SLC9A7: variants seen among roughly 807,000 people sequenced by gnomAD.
SLC9A7 encodes sodium/hydrogen exchanger 7.
A neutral mutation model predicts 52.6 loss-of-function variants in SLC9A7; 19 were observed. The ratio of observed to expected loss-of-function variants is 0.36; its 90% CI spans 0.25 to 0.53. SLC9A7 has a LOEUF of 0.53. Ranked by LOEUF, SLC9A7 falls within the 20% of genes least tolerant of loss-of-function variation. The pLI, the probability that SLC9A7 is intolerant of heterozygous loss-of-function variation, is 0.91. For missense variants in SLC9A7, 455 were observed against 597.9 expected (o/e 0.76, Z 2.49); for synonymous variants, 226 against 252.1 (o/e 0.90, Z 0.98).
intron 5 of SLC9A7, among the ~76,000 whole-genome samples, chrX:46,668,963 C>T (rs192443473): frequency 3.6e-5 from 4 of 110,323 alleles, no homozygotes; most frequent in Non-Finnish European, 5.7e-5. Flanking sequence ...GTCAGGAGAT[C>T]GAGACCATCC....
At chrX:46,609,428 C>A (rs774228108) in intron 16 of SLC9A7, among the ~76,000 whole-genome samples, 9 of 112,466 alleles carry the variant, frequency 8.0e-5, no homozygotes, top group African/African-American at 2.9e-4. Context: ...AGGCTGGGTG[C>A]GGTGGCTCAC....
rs751416937 is a variant in SLC9A7 at position 46,653,708 on chromosome X, T to C, written c.1048A>G (p.Lys350Glu). Residue 350 changes from lysine (K) to glutamate (E), a missense_variant, in exon 8 of 17, where the codon AAG becomes GAG. By Grantham distance (56) the Lys-to-Glu change is moderately conservative (BLOSUM62 1). Around this residue, in one of 3 missense-constraint regions of SLC9A7, gnomAD observed 304 missense variants for 417.8 expected, o/e 0.73. Coordinates refer to ENST00000616978, the MANE Select transcript of SLC9A7 (RefSeq NM_001257291.2). ...VTGVVTALVT[K>E]FTKLHCFPLL... The stretch of plus-strand genomic sequence containing the variant: ...GGGAAGCAGTGCAGTTTGGTAAACT[T>C]AGTCACGTTGGCATTCTGTCAAGGA... 8.3e-7 allele frequency: 1 copy of C among 1,206,041 alleles called. No individual in the cohort carries two copies. The highest frequency in any genetic ancestry group is 1.8e-5 in the South Asian group (1 of 56,707).
rs762603592 is a variant in SLC9A7, at chrX:46,607,134, C to T, written c.1999G>A (p.Gly667Arg). ...LTEGDLTLTY[G>R]DSTVTANGSS... ...CCATTTGCAGTCACTGTGCTGTCCC[C>T]GTAGGTCAATGTCAGGTCGCCTTCG... Residue 667 changes from glycine to arginine, a missense_variant, in exon 17 of 17, where the codon GGG becomes AGG. Physicochemically the swap from Gly to Arg is moderately radical, Grantham distance 125. Coordinates refer to ENST00000616978, the MANE Select transcript of SLC9A7 (RefSeq NM_001257291.2). The T allele has an allele frequency of 2.0e-5, 24 of 1,209,195 alleles. No individual in the cohort carries two copies. The highest frequency in any genetic ancestry group is 2.3e-5 in the Non-Finnish European group (21 of 894,905).
rs187435608 is a variant in SLC9A7 at position 46,638,912 on chromosome X, A to G, written c.1617-3264T>C. Among the ~76,000 whole-genome samples the G allele has an allele frequency of 5.3e-3, 602 of 113,091 alleles. 4 individuals carry two copies. Among genetic ancestry groups the G allele is most frequent in the South Asian group, 0.04 (113 of 2,816 alleles). On this transcript the variant is annotated intron_variant, in intron 12 of 16. Transcript: ENST00000616978. ...AAAACAGACAAAAGCAGTACAAAAA[A>G]AAACTACTACCAATATCCCTCATGA... is the stretch of plus-strand genomic sequence containing the variant.
chrX:46,706,432 C>T (rs1234500319), intron 1 of SLC9A7, among the ~76,000 whole-genome samples: 4 of 108,920 alleles, frequency 3.7e-5, no homozygotes, highest in South Asian at 4.1e-4. Context: ...ATACTATTGT[C>T]TCTACTGTGT....
chrX:46,672,638 C>T lies in SLC9A7; in HGVS notation c.604-11G>A, dbSNP rs1384077744. The T allele has an allele frequency of 8.8e-7, 1 of 1,138,582 alleles. No individual in the cohort carries two copies. The highest frequency in any genetic ancestry group is 2.2e-5 in the Admixed American group (1 of 44,777). The allele number at this position is 1,138,582 out of a possible 1,213,427, so 93.8% of individuals were successfully genotyped here. A position where few individuals can be genotyped will look rare whatever the true frequency, so the allele number is the denominator to read the frequency against. The stretch of plus-strand genomic sequence containing the variant: ...TCTGAAAAAGTGTCTCTGAATAAAA[C>T]AAACAAACAAAACCCAGGAATCACA... On this transcript the variant is annotated splice_polypyrimidine_tract_variant and intron_variant, in intron 3 of 16. Transcript: ENST00000616978.
chrX:46,714,718 C>T (rs1295190722), intron 1 of SLC9A7, among the ~76,000 whole-genome samples: 3 of 111,676 alleles, frequency 2.7e-5, no homozygotes, highest in Non-Finnish European at 3.8e-5. Context: ...TTCTGGACTT[C>T]GTTATATTTC....
chrX:46,752,320 C>A (rs1430235029), intron 1 of SLC9A7, among the ~76,000 whole-genome samples: 2 of 111,552 alleles, frequency 1.8e-5, no homozygotes, highest in Non-Finnish European at 1.9e-5. Context: ...TCATCTAATA[C>A]CCAGTCTACA....
At chrX:46,692,296 A>G (rs1944391154) in intron 1 of SLC9A7, among the ~76,000 whole-genome samples, 1 of 111,593 alleles carries the variant, frequency 9.0e-6, no homozygotes, top group Non-Finnish European at 1.9e-5. Flanking sequence ...CCTGCATGGC[A>G]CCATTAGGAA....
intron 1 of SLC9A7, among the ~76,000 whole-genome samples, chrX:46,706,237 TGAA>T (rs1468949039): frequency 1.0e-5 from 1 of 99,543 alleles, no homozygotes; most frequent in African/African-American, 3.7e-5. Context: ...CTTTTGCCAT[TGAA>T]AGTAATGGCA....
intron 7 of SLC9A7, among the ~76,000 whole-genome samples, chrX:46,656,970 G>C (rs1434198589): frequency 9.5e-6 from 1 of 105,772 alleles, no homozygotes; most frequent in Middle Eastern, 4.7e-3. Flanking sequence ...GGCAGCCAGA[G>C]AGAAAGGTCG....
At chrX:46,618,234 G>A (rs1942985016) in intron 15 of SLC9A7, among the ~76,000 whole-genome samples, 2 of 111,532 alleles carry the variant, frequency 1.8e-5, no homozygotes, top group Non-Finnish European at 3.8e-5. Context: ...TTTAGGTGGG[G>A]ATCCTAGAAT....
intron 1 of SLC9A7, among the ~76,000 whole-genome samples, chrX:46,733,222 A>G (rs1945070852): frequency 8.9e-6 from 1 of 111,789 alleles, no homozygotes; most frequent in African/African-American, 3.3e-5. Context: ...TTGGCAAAAA[A>G]GACTCAGGAA....
chrX:46,665,265 C>T (rs1413404025), intron 5 of SLC9A7, among the ~76,000 whole-genome samples: 1 of 111,017 alleles, frequency 9.0e-6, no homozygotes. Context: ...TGGGTACAGG[C>T]AGTGGGAAAA....
chrX:46,657,115 C>T (rs1297248658), intron 7 of SLC9A7, among the ~76,000 whole-genome samples: 3 of 108,699 alleles, frequency 2.8e-5, no homozygotes, highest in African/African-American at 1.0e-4. Context: ...TCATATCCAG[C>T]CAAACTAAGC....
intron 16 of SLC9A7, among the ~76,000 whole-genome samples, chrX:46,611,393 C>T (rs183933642): frequency 1.3e-4 from 15 of 112,435 alleles, no homozygotes; most frequent in African/African-American, 4.8e-4. Flanking sequence ...TCTCACCATC[C>T]TACATATTTT....
intron 14 of SLC9A7, among the ~76,000 whole-genome samples, chrX:46,631,303 T>C (rs1326998288): frequency 2.7e-5 from 3 of 111,843 alleles, no homozygotes; most frequent in African/African-American, 9.8e-5. Context: ...AGAACCAATA[T>C]CCACTATTGA....
At chrX:46,735,148 A>G (rs2146986755) in intron 1 of SLC9A7, among the ~76,000 whole-genome samples, 1 of 111,653 alleles carries the variant, frequency 9.0e-6, no homozygotes, top group Admixed American at 9.5e-5. Flanking sequence ...AACTATTTAT[A>G]TGGAGGGTCA....
At chrX:46,643,483 T>C in intron 11 of SLC9A7, 94 bp from the exon 12 acceptor site, 3 of 900,734 alleles carry the variant, frequency 3.3e-6, no homozygotes, top group Non-Finnish European at 4.7e-6. Flanking sequence ...ATAAACTCTA[T>C]TCATTCATGC....
Sources: gnomAD v4.1 joint callset for allele counts (sites outside exome capture counted in the v4.1 genomes callset) on GRCh38, gnomAD v4.1.1 for gene constraint, gnomAD v4.1.1 regional missense constraint, MANE v1.5 for transcripts, NCBI Gene and HGNC (gene_info 2026-07-23, HGNC 2026-07-21) for gene names.